The following TUFT1 variants were observed in gnomAD, a reference collection of about 807,000 sequenced individuals.
The protein encoded by TUFT1 is tuftelin.
Under a neutral mutation model 57.8 loss-of-function variants are expected in TUFT1, and 43 were observed. The ratio of observed to expected loss-of-function variants is 0.74; its 90% confidence interval spans 0.58 to 0.96. TUFT1 has a LOEUF of 0.96. TUFT1 is among the 40% of genes least tolerant of loss of function. The probability of loss-of-function intolerance (pLI) is 0.00; values close to 1 mark genes in which losing one functional copy is unlikely to be tolerated. For missense variants in TUFT1, 459 were observed against 489.0 expected (o/e 0.94, Z 0.58); for synonymous variants, 166 against 176.7 (o/e 0.94, Z 0.48).
intron 9 of TUFT1, among the ~76,000 whole-genome samples, chr1:151,575,409 C>T (rs1452689602): frequency 6.6e-6 from 1 of 152,096 alleles, no homozygotes; most frequent in Admixed American, 6.6e-5. Flanking sequence ...GATTAACAGT[C>T]ATGCTGATGA....
At chr1:151,577,071 G>A (rs1161049512) in intron 9 of TUFT1, among the ~76,000 whole-genome samples, 4 of 152,084 alleles carry the variant, frequency 2.6e-5, no homozygotes, top group Admixed American at 6.6e-5. Context: ...ACTGCCCCTG[G>A]CCAACATTTC....
intron 1 of TUFT1, chr1:151,557,788 G>C: frequency 1.3e-6 from 1 of 760,588 alleles, no homozygotes; most frequent in Non-Finnish European, 2.4e-6. Context: ...CGACCTGCAA[G>C]ACTCACAAGA....
chr1:151,565,390 G>T (rs541926228), intron 5 of TUFT1, among the ~76,000 whole-genome samples: 1 of 152,264 alleles, frequency 6.6e-6, no homozygotes, highest in Admixed American at 6.5e-5. Context: ...GCAGAGTCTT[G>T]CTCCAGCAGC....
At chr1:151,563,037 CTTAT>C (rs1181335342) in intron 3 of TUFT1, among the ~76,000 whole-genome samples, 27 of 151,976 alleles carry the variant, frequency 1.8e-4, no homozygotes, top group Non-Finnish European at 1.5e-5. Flanking sequence ...CCTGATGGAA[CTTAT>C]TTATTTATTT....
chr1:151,561,247 CTTGG>C (rs1665878035), intron 1 of TUFT1, among the ~76,000 whole-genome samples: 1 of 152,078 alleles, frequency 6.6e-6, no homozygotes, highest in Non-Finnish European at 1.5e-5. Flanking sequence ...ATCCACCTGC[CTTGG>C]CCTCCCAAAG....
intron 9 of TUFT1, among the ~76,000 whole-genome samples, chr1:151,575,235 A>G (rs189478596): frequency 1.3e-5 from 2 of 152,298 alleles, no homozygotes; most frequent in Admixed American, 6.5e-5. Flanking sequence ...GTAATAACCT[A>G]AAGAAAAGGC....
In TUFT1 at chr1:151,540,336, A is replaced by C. The variant is rs780085598; in HGVS notation, c.-31A>C. 1 of 1,613,768 alleles carries C rather than the reference A, an allele frequency of 6.2e-7. No homozygotes were observed. Among genetic ancestry groups the C allele is most frequent in the Non-Finnish European group, 8.5e-7 (1 of 1,179,820 alleles). ...TTGGAGCCAGACAGCGGGGTGGACA[A>C]GTGGCGTGTGTGCTGCGACCCCGAG... On this transcript the variant is annotated 5_prime_UTR_variant, in exon 1 of 13. Transcript: ENST00000368849.
intron 7 of TUFT1, among the ~76,000 whole-genome samples, chr1:151,571,979 G>A (rs1452942291): frequency 6.6e-6 from 1 of 152,188 alleles, no homozygotes; most frequent in Non-Finnish European, 1.5e-5. Context: ...GGCCAAGGCA[G>A]GAGGATCCTT....
chr1:151,551,717 T>C (rs941901840), intron 1 of TUFT1, among the ~76,000 whole-genome samples: 2 of 152,066 alleles, frequency 1.3e-5, no homozygotes, highest in African/African-American at 2.4e-5. Context: ...CAGGAAAAAG[T>C]TGGGGATAGA....
intron 1 of TUFT1, among the ~76,000 whole-genome samples, chr1:151,560,243 C>A (rs1055046980): frequency 3.3e-5 from 5 of 151,438 alleles, no homozygotes; most frequent in Admixed American, 3.3e-4. Flanking sequence ...TGGCGAAACC[C>A]CGTCTCTACT....
intron 6 of TUFT1, 43 bp downstream of exon 6, chr1:151,566,271 G>A (rs1359302309): frequency 6.5e-6 from 10 of 1,544,026 alleles, no homozygotes; most frequent in Admixed American, 1.7e-5. Flanking sequence ...TTAGCCAGGG[G>A]CAGGATTGCC....
chr1:151,578,369 G>C (rs1432877255), intron 9 of TUFT1, among the ~76,000 whole-genome samples: 1 of 152,074 alleles, frequency 6.6e-6, no homozygotes, highest in Non-Finnish European at 1.5e-5. Flanking sequence ...GAGTGCAGTG[G>C]CGCCATCTTG....
At chr1:151,541,908 G>A (rs1348031194) in intron 1 of TUFT1, among the ~76,000 whole-genome samples, 1 of 152,116 alleles carries the variant, frequency 6.6e-6, no homozygotes, top group Non-Finnish European at 1.5e-5. Flanking sequence ...GGCTCTTCAC[G>A]GGTGCAATCA....
intron 5 of TUFT1, 31 bp downstream of exon 5, chr1:151,564,645 C>T (rs774448794): frequency 6.3e-7 from 1 of 1,582,490 alleles, no homozygotes; most frequent in Non-Finnish European, 8.7e-7. Flanking sequence ...GTTGGGTCCC[C>T]ACCGAGGAGG....
At chr1:151,571,663 A>C (rs528921293) in intron 7 of TUFT1, among the ~76,000 whole-genome samples, 1 of 152,186 alleles carries the variant, frequency 6.6e-6, no homozygotes, top group Non-Finnish European at 1.5e-5. Flanking sequence ...AGGAAGGTTG[A>C]GGCTCTAGCA....
chr1:151,555,628 T>C (rs900216903), intron 1 of TUFT1, among the ~76,000 whole-genome samples: 40 of 151,780 alleles, frequency 2.6e-4, no homozygotes, highest in African/African-American at 9.4e-4. Flanking sequence ...AATACAAAAA[T>C]TAGCCGGACG....
At chr1:151,544,808 G>A (rs1006709613) in intron 1 of TUFT1, among the ~76,000 whole-genome samples, 2 of 152,132 alleles carry the variant, frequency 1.3e-5, no homozygotes, top group African/African-American at 4.8e-5. Flanking sequence ...GAGCTGTTTT[G>A]TGTTTACCTC....
intron 5 of TUFT1, 112 bp downstream of exon 5, chr1:151,564,726 T>A (rs1286211227): frequency 3.3e-6 from 3 of 899,066 alleles, no homozygotes; most frequent in Non-Finnish European, 3.5e-6. Flanking sequence ...CTGCCAGGAA[T>A]GGAGAAAATA....
At chr1:151,572,893 G>A (rs1363721824) in intron 7 of TUFT1, among the ~76,000 whole-genome samples, 1 of 152,160 alleles carries the variant, frequency 6.6e-6, no homozygotes, top group Non-Finnish European at 1.5e-5. Flanking sequence ...TGTTTTCCCA[G>A]GGCTGGCTGC....
Sources: allele counts gnomAD v4.1 joint callset (sites outside exome capture counted in the v4.1 genomes callset), GRCh38; gene constraint gnomAD v4.1.1; transcripts MANE v1.5; gene names NCBI Gene and HGNC (gene_info 2026-07-23, HGNC 2026-07-21).